MGAT4A: variants seen among roughly 807,000 people sequenced by gnomAD.
MGAT4A encodes alpha-1,3-mannosyl-glycoprotein 4-beta-N-acetylglucosaminyltransferase A.
MGAT4A carries 33 observed loss-of-function variants against 74.1 expected under a neutral mutation model. The ratio of observed to expected loss-of-function variants is 0.45; its 90% CI spans 0.34 to 0.60. The LOEUF (loss-of-function observed/expected upper bound fraction) is 0.60, where lower values mean the gene tolerates loss of function less well. Among genes scored for constraint, MGAT4A ranks in the 20% least tolerant of loss-of-function variants. The pLI, the probability that MGAT4A is intolerant of heterozygous loss-of-function variation, is 0.02. For missense variants in MGAT4A, 479 were observed against 628.3 expected (o/e 0.76, Z 2.54); for synonymous variants, 198 against 210.4 (o/e 0.94, Z 0.51).
intron 2 of MGAT4A, among the ~76,000 whole-genome samples, chr2:98,689,343 C>T (rs1472347221): frequency 6.6e-6 from 1 of 152,168 alleles, no homozygotes; most frequent in African/African-American, 2.4e-5. Flanking sequence ...CAGGTAGTAT[C>T]ACTATAGACT....
At chr2:98,644,456 A>C (rs1002551476) in intron 9 of MGAT4A, among the ~76,000 whole-genome samples, 1 of 152,144 alleles carries the variant, frequency 6.6e-6, no homozygotes, top group African/African-American at 2.4e-5. Flanking sequence ...GTTTTCACTA[A>C]AGCATTTGCA....
Position 98,623,442 on chromosome 2 carries a change from G to T in MGAT4A, c.*2124C>A. The T allele has an allele frequency of 1.0e-6, 1 of 985,414 alleles. No individual in the cohort carries two copies. The allele number at this position is 985,414 out of a possible 1,614,324, so 61.0% of individuals were successfully genotyped here. A position where few individuals can be genotyped will look rare whatever the true frequency, so the allele number is the denominator to read the frequency against. On this transcript the variant is annotated 3_prime_UTR_variant, in exon 16 of 16. Coordinates refer to ENST00000393487, the MANE Select transcript of MGAT4A (RefSeq NM_012214.3). ...GAGTACTCCTAAGCCCACCTGCAGA[G>T]ATTTTTACTTCTGGTACTCAGTTAT...
Position 98,623,175 on chromosome 2 carries a change from T to C in MGAT4A, c.*2391A>G, listed in dbSNP as rs753632483. On this transcript the variant is annotated 3_prime_UTR_variant, in exon 16 of 16. Transcript: ENST00000393487. ...GAAGCACAAAAAAGTCCTGGAATGA[T>C]AGGAAAGATTTGGCTAAAAGGAGTC... 142 of 985,174 alleles carry C rather than the reference T, an allele frequency of 1.4e-4. No individual in the cohort carries two copies. The highest frequency in any genetic ancestry group is 5.2e-4 in the Middle Eastern group (1 of 1,936). 61.0% of individuals were successfully genotyped at this position (985,174 alleles called of 1,614,324 possible). A position where few individuals can be genotyped will look rare whatever the true frequency, so the allele number is the denominator to read the frequency against.
chr2:98,690,236 G>T (rs1702177166), intron 2 of MGAT4A, among the ~76,000 whole-genome samples: 3 of 152,184 alleles, frequency 2.0e-5, no homozygotes, highest in African/African-American at 7.2e-5. Flanking sequence ...ATGTGGATGG[G>T]GTCAGGAAAG....
At chr2:98,644,401 T>A (rs1212919379) in intron 9 of MGAT4A, among the ~76,000 whole-genome samples, 2 of 152,164 alleles carry the variant, frequency 1.3e-5, no homozygotes, top group Admixed American at 6.5e-5. Context: ...AGGTAAAAAA[T>A]TTTATCTGAA....
rs1468783097 is a variant in MGAT4A at position 98,619,632 on chromosome 2, C to T, written c.*5934G>A. ...CTGGCAGTGCATCTTACAGTACTGTCGATAGCAGCCATTTTTAAGGCTCAG... is the reference window on the plus strand; with the variant it reads ...CTGGCAGTGCATCTTACAGTACTGTTGATAGCAGCCATTTTTAAGGCTCAG... On this transcript the variant is annotated 3_prime_UTR_variant, in exon 16 of 16. Coordinates refer to ENST00000393487, the MANE Select transcript of MGAT4A (RefSeq NM_012214.3). 2.6e-5 allele frequency: 4 copies of T among 152,268 alleles called. No individual in the cohort carries two copies. Among genetic ancestry groups the T allele is most frequent in the South Asian group, 4.1e-4 (2 of 4,826 alleles). The allele number at this position is 152,268 out of a possible 1,614,324, so 9.4% of individuals were successfully genotyped here. A position where few individuals can be genotyped will look rare whatever the true frequency, so the allele number is the denominator to read the frequency against.
At chr2:98,627,418 C>T (rs1243171215) in intron 14 of MGAT4A, among the ~76,000 whole-genome samples, 1 of 152,126 alleles carries the variant, frequency 6.6e-6, no homozygotes, top group East Asian at 1.9e-4. Context: ...CTCTGTCACC[C>T]AAGCTGGAGT....
intron 6 of MGAT4A, among the ~76,000 whole-genome samples, chr2:98,657,983 A>G (rs1701683192): frequency 6.6e-6 from 1 of 152,200 alleles, no homozygotes; most frequent in Admixed American, 6.5e-5. Context: ...ATAGTGTTAC[A>G]TACATAGGAC....
intron 14 of MGAT4A, among the ~76,000 whole-genome samples, chr2:98,632,003 G>A (rs920079279): frequency 2.6e-5 from 4 of 152,226 alleles, no homozygotes; most frequent in African/African-American, 9.6e-5. Flanking sequence ...CCAGGTACTC[G>A]GGAGGCTGAG....
At chr2:98,629,245 AAAATAAG>A (rs1176237251) in intron 14 of MGAT4A, among the ~76,000 whole-genome samples, 1 of 152,240 alleles carries the variant, frequency 6.6e-6, no homozygotes, top group Admixed American at 6.5e-5. Context: ...GATTAATAAT[AAAATAAG>A]GTACATTCAG....
chr2:98,720,092 A>C (rs185167575), intron 2 of MGAT4A, among the ~76,000 whole-genome samples: 113 of 152,366 alleles, frequency 7.4e-4, no homozygotes, highest in African/African-American at 2.4e-3. Context: ...ATTTTAAGAA[A>C]GAACGAAATG....
chr2:98,655,917 T>G, intron 7 of MGAT4A: 1 of 180,666 alleles, frequency 5.5e-6, no homozygotes, highest in East Asian at 1.7e-4. Flanking sequence ...AGACCCTTTT[T>G]TCAGTAATAT....
Position 98,625,434 on chromosome 2 carries a change from G to T in MGAT4A, c.*132C>A. 6.8e-7 allele frequency: 1 copy of T among 1,480,854 alleles called. No homozygotes were observed. The highest frequency in any genetic ancestry group is 1.4e-5 in the African/African-American group (1 of 69,698). 91.7% of individuals were successfully genotyped at this position (1,480,854 alleles called of 1,614,324 possible). ...TTATGGGAGATTCACTTTCCAAGTG[G>T]AAATGACAATCGTCTTATCTACAGT... On this transcript the variant is annotated 3_prime_UTR_variant, in exon 16 of 16. Coordinates refer to ENST00000393487, the MANE Select transcript of MGAT4A (RefSeq NM_012214.3).
At chr2:98,683,730 T>C (rs1483696643) in intron 2 of MGAT4A, among the ~76,000 whole-genome samples, 1 of 152,096 alleles carries the variant, frequency 6.6e-6, no homozygotes, top group Non-Finnish European at 1.5e-5. Context: ...CTTCAGCAAG[T>C]AGGAAGAATA....
chr2:98,666,603 G>C (rs1213861995), intron 4 of MGAT4A, among the ~76,000 whole-genome samples: 1 of 151,964 alleles, frequency 6.6e-6, no homozygotes, highest in Non-Finnish European at 1.5e-5. Context: ...TGGGGTGGGA[G>C]GATCACTTGA....
chr2:98,632,185 G>T (rs1349828758), intron 14 of MGAT4A, among the ~76,000 whole-genome samples: 1 of 152,128 alleles, frequency 6.6e-6, no homozygotes, highest in East Asian at 1.9e-4. Flanking sequence ...GCCACCTATG[G>T]ACAGCTAAAC....
chr2:98,621,516 A>G lies in MGAT4A; in HGVS notation c.*4050T>C, dbSNP rs1701060299. Reference sequence around the variant, plus strand: ...CGAGAAAACTCTCTGCTTTTAAAGGAGTCACAAGATTTGATTAGCCACCCC... The same window carrying G: ...CGAGAAAACTCTCTGCTTTTAAAGGGGTCACAAGATTTGATTAGCCACCCC... On this transcript the variant is annotated 3_prime_UTR_variant, in exon 16 of 16. Transcript: ENST00000393487. The G allele has an allele frequency of 6.4e-7, 1 of 1,551,452 alleles. No individual in the cohort carries two copies. The highest frequency in any genetic ancestry group is 8.7e-7 in the Non-Finnish European group (1 of 1,146,950).
rs891363887 is a variant in MGAT4A at position 98,622,301 on chromosome 2, G to A, written c.*3265C>T. ...GCAGTGATGGAAAAGTTCTGCATCC[G>A]TGGTGTCAAGTGTGGTGGCCACTAG... On this transcript the variant is annotated 3_prime_UTR_variant, in exon 16 of 16. Coordinates refer to ENST00000393487, the MANE Select transcript of MGAT4A (RefSeq NM_012214.3). 27 of 985,348 alleles carry A rather than the reference G, an allele frequency of 2.7e-5. No individual in the cohort carries two copies. In the East Asian group the frequency reaches 4.5e-4, roughly 17 times the overall value. 61.0% of individuals were successfully genotyped at this position (985,348 alleles called of 1,614,324 possible). A position where few individuals can be genotyped will look rare whatever the true frequency, so the allele number is the denominator to read the frequency against.
At chr2:98,686,915 G>T (rs936561407) in intron 2 of MGAT4A, among the ~76,000 whole-genome samples, 1 of 152,012 alleles carries the variant, frequency 6.6e-6, no homozygotes, top group Non-Finnish European at 1.5e-5. Flanking sequence ...ATAAAATGAG[G>T]AACTATAAAA....
Sources: allele counts gnomAD v4.1 joint callset (sites outside exome capture counted in the v4.1 genomes callset), GRCh38; gene constraint gnomAD v4.1.1; transcripts MANE v1.5; gene names NCBI Gene and HGNC (gene_info 2026-07-23, HGNC 2026-07-21).